Variants in BTG4 observed in about 807,000 individuals in gnomAD.
The protein encoded by BTG4 is protein BTG4.
In BTG4, 10 loss-of-function variants were observed where a neutral mutation model predicts 19.3. The observed-to-expected ratio is 0.52, with a 90% CI of 0.32 to 0.88. The LOEUF (loss-of-function observed/expected upper bound fraction) is 0.88, where lower values mean the gene tolerates loss of function less well. Ranked by LOEUF, BTG4 falls within the 40% of genes least tolerant of loss-of-function variation. The pLI is 0.04. For synonymous variants in BTG4, 91 were observed against 95.7 expected (o/e 0.95, Z 0.29); for missense variants, 238 against 281.9 (o/e 0.84, Z 1.11).
At chr11:111,461,346 T>C in the BTG4 span, among the ~76,000 whole-genome samples, 1 of 152,164 alleles carries the variant, frequency 6.6e-6, no homozygotes, top group Admixed American at 6.5e-5. Context: ...GCCTGTCTCC[T>C]CTGGACTTCC....
At chr11:111,433,276 C>T in the BTG4 span, among the ~76,000 whole-genome samples, 2 of 152,096 alleles carry the variant, frequency 1.3e-5, no homozygotes, top group Non-Finnish European at 2.9e-5. Context: ...ATAGTTTGTC[C>T]AAACCTGACA....
chr11:111,441,628 C>T, the BTG4 span, among the ~76,000 whole-genome samples: 2 of 152,238 alleles, frequency 1.3e-5, no homozygotes, highest in Admixed American at 6.5e-5. Context: ...AACTCCGTGA[C>T]TGTGCCTCGC....
chr11:111,500,665 G>C, intron 1 of BTG4, among the ~76,000 whole-genome samples: 1 of 135,622 alleles, frequency 7.4e-6, no homozygotes, highest in Admixed American at 8.3e-5. Context: ...AGTGTCAGGT[G>C]TGTGAGTAAT....
chr11:111,428,854 C>T, the BTG4 span, among the ~76,000 whole-genome samples: 1 of 152,146 alleles, frequency 6.6e-6, no homozygotes, highest in Non-Finnish European at 1.5e-5. Flanking sequence ...ACCAGGAATA[C>T]AGTGTGAGGG....
intron 5 of BTG4, among the ~76,000 whole-genome samples, chr11:111,478,427 T>C (rs887168413): frequency 6.6e-6 from 1 of 152,096 alleles, no homozygotes; most frequent in African/African-American, 2.4e-5. Context: ...CCAAGTCTCA[T>C]GGTATCAAAA....
At chr11:111,388,848 G>C in the BTG4 span, among the ~76,000 whole-genome samples, 1 of 152,252 alleles carries the variant, frequency 6.6e-6, no homozygotes, top group Non-Finnish European at 1.5e-5. Context: ...GCTCAAAGGA[G>C]TAAAGTGAAA....
chr11:111,420,317 C>A, the BTG4 span, among the ~76,000 whole-genome samples: 21 of 152,314 alleles, frequency 1.4e-4, no homozygotes, highest in African/African-American at 5.1e-4. Context: ...CAGGGTAGAC[C>A]AATCTGAGCA....
the BTG4 span, among the ~76,000 whole-genome samples, chr11:111,443,284 C>T: frequency 6.6e-6 from 1 of 152,118 alleles, no homozygotes; most frequent in African/African-American, 2.4e-5. Context: ...TGAGAGTAGG[C>T]AAAGCAGACA....
At chr11:111,482,229 T>A (rs571646304) in intron 5 of BTG4, among the ~76,000 whole-genome samples, 1 of 152,166 alleles carries the variant, frequency 6.6e-6, no homozygotes, top group East Asian at 1.9e-4. Context: ...CATTTATAAT[T>A]GATCAAAAAA....
chr11:111,468,077 G>A (rs1213925071), intron 5 of BTG4, among the ~76,000 whole-genome samples: 1 of 152,204 alleles, frequency 6.6e-6, no homozygotes, highest in African/African-American at 2.4e-5. Context: ...AAACACTGAT[G>A]ACAGTCTATT....
chr11:111,401,094 T>C, the BTG4 span: 1 of 129,890 alleles, frequency 7.7e-6, no homozygotes, highest in African/African-American at 3.0e-5. Context: ...GGAAAATTGG[T>C]GAATCCAAAT....
At chr11:111,444,690 C>T in the BTG4 span, among the ~76,000 whole-genome samples, 2 of 152,066 alleles carry the variant, frequency 1.3e-5, no homozygotes, top group East Asian at 3.9e-4. Flanking sequence ...TATACACCTA[C>T]TATGTACCTA....
chr11:111,476,113 C>T (rs1864383537), intron 5 of BTG4, among the ~76,000 whole-genome samples: 1 of 141,312 alleles, frequency 7.1e-6, no homozygotes, highest in Non-Finnish European at 1.5e-5. Flanking sequence ...ATATCATGCA[C>T]CAAGAGAAGT....
chr11:111,429,020 C>A, the BTG4 span, among the ~76,000 whole-genome samples: 13 of 152,314 alleles, frequency 8.5e-5, no homozygotes, highest in South Asian at 2.5e-3. Context: ...CCCATCCTCA[C>A]AACTTACTTT....
At chr11:111,483,705 A>C (rs981400575) in intron 5 of BTG4, among the ~76,000 whole-genome samples, 5 of 152,164 alleles carry the variant, frequency 3.3e-5, no homozygotes, top group Admixed American at 6.6e-5. Flanking sequence ...AATAAAAAAG[A>C]AGCACACCTA....
At chr11:111,384,153 C>A in the BTG4 span, among the ~76,000 whole-genome samples, 1 of 152,258 alleles carries the variant, frequency 6.6e-6, no homozygotes, top group South Asian at 2.1e-4. Flanking sequence ...AGAAGACAAT[C>A]TCTTCTGAAA....
the BTG4 span, among the ~76,000 whole-genome samples, chr11:111,437,646 C>T: frequency 6.6e-6 from 1 of 152,150 alleles, no homozygotes; most frequent in Non-Finnish European, 1.5e-5. Context: ...GAGGCTAGAG[C>T]TACAACAGCG....
chr11:111,490,803 A>G (rs1865371543), downstream of BTG4, among the ~76,000 whole-genome samples: 1 of 152,232 alleles, frequency 6.6e-6, no homozygotes, highest in African/African-American at 2.4e-5. Flanking sequence ...TCACTCATAC[A>G]TTGCTGATGG....
the BTG4 span, chr11:111,404,702 C>G: frequency 2.2e-6 from 1 of 455,870 alleles, no homozygotes; most frequent in Non-Finnish European, 4.4e-6. Context: ...GAAGAATGTC[C>G]TTTTTCTTGG....
Sources: allele counts gnomAD v4.1 joint callset (sites outside exome capture counted in the v4.1 genomes callset), GRCh38; gene constraint gnomAD v4.1.1; transcripts MANE v1.5; gene names NCBI Gene and HGNC (gene_info 2026-07-23, HGNC 2026-07-21).